The following RAB27B variants were observed in gnomAD, a reference collection of about 807,000 sequenced individuals.
RAB27B encodes the protein ras-related protein Rab-27B.
In RAB27B, 15 loss-of-function variants were observed where a neutral mutation model predicts 24.6. That is an observed-to-expected ratio of 0.61 (90% CI 0.41 to 0.94). The LOEUF is 0.94. Ranked by LOEUF, RAB27B falls within the 40% of genes least tolerant of loss-of-function variation. The probability of loss-of-function intolerance (pLI) is 0.00; values close to 1 mark genes in which losing one functional copy is unlikely to be tolerated. For missense variants in RAB27B, 261 were observed against 266.8 expected, an observed-to-expected ratio of 0.98 and a Z score of 0.15; for synonymous variants, 105 against 92.5, an observed-to-expected ratio of 1.14 and a Z score of -0.78.
intron 3 of RAB27B, among the ~76,000 whole-genome samples, chr18:54,883,110 A>G (rs1280250899): frequency 1.3e-5 from 2 of 152,176 alleles, no homozygotes; most frequent in African/African-American, 4.8e-5. Context: ...GATGTCATAA[A>G]CAGAAAAAGA....
intron 2 of RAB27B, among the ~76,000 whole-genome samples, chr18:54,777,972 G>T (rs1908769555): frequency 6.6e-6 from 1 of 151,686 alleles, no homozygotes; most frequent in Admixed American, 6.6e-5. Context: ...GTCAGGCAAT[G>T]AAAACTTTTA....
chr18:54,719,535 T>A (rs1289998837), intron 2 of RAB27B, among the ~76,000 whole-genome samples: 1 of 152,084 alleles, frequency 6.6e-6, no homozygotes, highest in African/African-American at 2.4e-5. Flanking sequence ...GAAAACATGT[T>A]TATATTGCTA....
chr18:54,746,102 G>A (rs1308978235), intron 2 of RAB27B, among the ~76,000 whole-genome samples: 1 of 152,080 alleles, frequency 6.6e-6, no homozygotes, highest in Non-Finnish European at 1.5e-5. Context: ...AGGAGATGCA[G>A]GTGGACAAGG....
At chr18:54,791,487 T>C (rs1006614669) in intron 2 of RAB27B, among the ~76,000 whole-genome samples, 25 of 151,974 alleles carry the variant, frequency 1.6e-4, no homozygotes, top group Admixed American at 1.4e-3. Flanking sequence ...AGGCAGGAGG[T>C]CACTTGAGCC....
chr18:54,839,418 A>T (rs1911021687), intron 1 of RAB27B, among the ~76,000 whole-genome samples: 1 of 152,194 alleles, frequency 6.6e-6, no homozygotes, highest in Non-Finnish European at 1.5e-5. Context: ...GGAAAAGATG[A>T]AAGAGAGTTA....
In RAB27B at chr18:54,890,415, T is replaced by A. The variant is rs2145300500; in HGVS notation, c.*1002T>A. 6.6e-6 allele frequency: 1 copy of A among 152,162 alleles called. No individual in the cohort carries two copies. The highest frequency in any genetic ancestry group is 2.4e-5 in the African/African-American group (1 of 41,548). 9.4% of individuals were successfully genotyped at this position (152,162 alleles called of 1,614,324 possible). A position where few individuals can be genotyped will look rare whatever the true frequency, so the allele number is the denominator to read the frequency against. ...GCAGTCAAGGAAAACTAGCCTTGAA[T>A]TTTTTTTAGATAAAATAAGATGGTG... On this transcript the variant is annotated 3_prime_UTR_variant, in exon 6 of 6. Transcript: ENST00000262094.
At chr18:54,724,943 C>T (rs1160774257) in intron 2 of RAB27B, among the ~76,000 whole-genome samples, 2 of 151,500 alleles carry the variant, frequency 1.3e-5, no homozygotes, top group African/African-American at 2.4e-5. Context: ...AATTTGAATG[C>T]TATTACATGA....
At chr18:54,850,393 A>G (rs1911532972) in intron 1 of RAB27B, among the ~76,000 whole-genome samples, 1 of 130,072 alleles carries the variant, frequency 7.7e-6, no homozygotes, top group Non-Finnish European at 1.6e-5. Flanking sequence ...TTTTCTTGAG[A>G]CAGAGTCTCA....
intron 2 of RAB27B, chr18:54,745,647 G>C (rs1006714171): frequency 2.6e-5 from 4 of 151,576 alleles, no homozygotes; most frequent in Non-Finnish European, 5.9e-5. Context: ...ATAACCATCA[G>C]CTTCTAAAAA....
Position 54,841,154 on chromosome 18 carries a change from C to T in RAB27B, c.-20+12454C>T, listed in dbSNP as rs1443737881. Among the ~76,000 whole-genome samples, 7 of 8,642 alleles carry T rather than the reference C, an allele frequency of 8.1e-4. 2 individuals carry two copies. Among genetic ancestry groups the T allele is most frequent in the African/African-American group, 1.4e-3 (7 of 4,836 alleles). 5.7% of individuals were successfully genotyped at this position (8,642 alleles called of 152,430 possible). The stretch of plus-strand genomic sequence containing the variant: ...AGAGAAAGACTCTGTCTTTGGGTGG[C>T]GGGGCGGTGGGGGGTTTGGTGAGAG... On this transcript the variant is annotated intron_variant, in intron 1 of 5. Transcript: ENST00000262094.
At chr18:54,718,712 C>G (rs1204608344) in intron 2 of RAB27B, among the ~76,000 whole-genome samples, 1 of 152,086 alleles carries the variant, frequency 6.6e-6, no homozygotes, top group African/African-American at 2.4e-5. Flanking sequence ...ATCTAAGATT[C>G]TTTTTTCCTG....
Position 54,879,458 on chromosome 18 carries a change from A to G in RAB27B, c.239+4A>G, listed in dbSNP as rs1598989427. On this transcript the variant is annotated splice_donor_region_variant and intron_variant, in intron 3 of 5. Transcript: ENST00000262094. ...GGGACACTGCGGGACAAGAGCGGTA[A>G]TAGTAAATTGCTTTATTTGTGGCTA... The G allele has an allele frequency of 1.2e-6, 2 of 1,606,240 alleles. No homozygotes were observed. The highest frequency in any genetic ancestry group is 1.7e-6 in the Non-Finnish European group (2 of 1,172,846).
intron 2 of RAB27B, among the ~76,000 whole-genome samples, chr18:54,739,588 G>T: frequency 1.5e-5 from 2 of 133,372 alleles, no homozygotes; most frequent in Non-Finnish European, 1.6e-5. Flanking sequence ...AAGTTGCTAT[G>T]ACCTTTGATC....
chr18:54,847,580 A>G (rs961569429), intron 1 of RAB27B, among the ~76,000 whole-genome samples: 7 of 152,118 alleles, frequency 4.6e-5, no homozygotes, highest in Non-Finnish European at 1.0e-4. Context: ...TCTTTTAAAT[A>G]CCTATGCTCA....
intron 2 of RAB27B, among the ~76,000 whole-genome samples, chr18:54,811,178 G>A (rs575669884): frequency 5.3e-4 from 80 of 152,002 alleles, no homozygotes; most frequent in Non-Finnish European, 7.5e-4. Context: ...GGGGGAAGAG[G>A]CACACTACAT....
intron 2 of RAB27B, among the ~76,000 whole-genome samples, chr18:54,759,886 C>A (rs1309921222): frequency 1.3e-5 from 2 of 152,186 alleles, no homozygotes; most frequent in African/African-American, 2.4e-5. Flanking sequence ...CATCCCCTTT[C>A]CAGCTCCTTA....
intron 2 of RAB27B, among the ~76,000 whole-genome samples, chr18:54,725,344 AG>A (rs1909497053): frequency 6.6e-6 from 1 of 151,502 alleles, no homozygotes; most frequent in Admixed American, 6.6e-5. Context: ...GAACCATTTC[AG>A]GGTGAGTTTA....
chr18:54,753,943 A>G (rs1387147835), intron 2 of RAB27B, among the ~76,000 whole-genome samples: 1 of 152,214 alleles, frequency 6.6e-6, no homozygotes, highest in Non-Finnish European at 1.5e-5. Flanking sequence ...ATCTCCACTT[A>G]GAGACATTAG....
rs191551766 is a variant in RAB27B at position 54,829,660 on chromosome 18, T to G, written c.-20+960T>G. On this transcript the variant is annotated intron_variant, in intron 1 of 5. Coordinates refer to ENST00000262094, the MANE Select transcript of RAB27B (RefSeq NM_004163.4). ...CACACATATTCATTCATATATAGAA[T>G]ATACAGGGTTTTATGGTTATAAATT... Among the ~76,000 whole-genome samples, 11 of 152,318 alleles carry G rather than the reference T, an allele frequency of 7.2e-5. No homozygotes were observed. The East Asian group carries it at 2.1e-3, about 29-fold the overall frequency.
Sources: gnomAD v4.1 joint callset for allele counts (sites outside exome capture counted in the v4.1 genomes callset) on GRCh38, gnomAD v4.1.1 for gene constraint, MANE v1.5 for transcripts, NCBI Gene and HGNC (gene_info 2026-07-23, HGNC 2026-07-21) for gene names.